RPRD1B: variants seen among roughly 807,000 people sequenced by gnomAD.
RPRD1B encodes the protein regulation of nuclear pre-mRNA domain containing 1B.
RPRD1B carries 11 observed loss-of-function variants against 41.5 expected under a neutral mutation model. The observed-to-expected ratio is 0.27, with a 90% CI of 0.17 to 0.44. The LOEUF is 0.44. Ranked by LOEUF, RPRD1B falls within the 20% of genes least tolerant of loss-of-function variation. The pLI is 1.00. For missense variants in RPRD1B, 248 were observed against 389.9 expected (o/e 0.64, Z 3.06); for synonymous variants, 158 against 155.6 (o/e 1.02, Z -0.12).
At chr20:38,044,465 T>C (rs2074101070) in intron 2 of RPRD1B, among the ~76,000 whole-genome samples, 1 of 147,910 alleles carries the variant, frequency 6.8e-6, no homozygotes, top group South Asian at 2.2e-4. Context: ...GCTCCGCCTC[T>C]CGGGTTCATG....
At chr20:38,044,958 GA>G (rs1172781224) in intron 2 of RPRD1B, among the ~76,000 whole-genome samples, 1 of 152,168 alleles carries the variant, frequency 6.6e-6, no homozygotes, top group African/African-American at 2.4e-5. Context: ...TGGTTGTACT[GA>G]AAAAGTGCCA....
chr20:38,089,687 C>A, intron 6 of RPRD1B, 39 bp from the exon 7 acceptor site: 1 of 1,571,260 alleles, frequency 6.4e-7, no homozygotes, highest in Non-Finnish European at 8.7e-7. Flanking sequence ...CCTCGGCACG[C>A]ACAGACTTAA....
intron 6 of RPRD1B, among the ~76,000 whole-genome samples, chr20:38,079,024 TA>T (rs1457275538): frequency 6.6e-6 from 1 of 152,176 alleles, no homozygotes; most frequent in Non-Finnish European, 1.5e-5. Flanking sequence ...TCAGGAAGAT[TA>T]AGTATTGCTC....
At chr20:38,034,795 C>A (rs531515009) in intron 1 of RPRD1B, among the ~76,000 whole-genome samples, 1 of 152,314 alleles carries the variant, frequency 6.6e-6, no homozygotes, top group Non-Finnish European at 1.5e-5. Flanking sequence ...ACAGACAATT[C>A]ATTGAACTCA....
intron 6 of RPRD1B, among the ~76,000 whole-genome samples, chr20:38,070,058 T>C (rs1363948623): frequency 6.9e-6 from 1 of 144,004 alleles, no homozygotes; most frequent in African/African-American, 2.7e-5. Context: ...AAATCTGATT[T>C]AATGATTGGT....
At chr20:38,038,333 GTC>G (rs1277560491) in intron 1 of RPRD1B, among the ~76,000 whole-genome samples, 1 of 146,972 alleles carries the variant, frequency 6.8e-6, no homozygotes, top group East Asian at 2.0e-4. Flanking sequence ...TTGAGACGGA[GTC>G]TCTTACTCTG....
intron 2 of RPRD1B, 142 bp downstream of exon 2, chr20:38,040,706 T>G (rs2074057284): frequency 1.2e-6 from 1 of 811,854 alleles, no homozygotes; most frequent in Non-Finnish European, 1.9e-6. Flanking sequence ...TGGTTTTATG[T>G]TTTGTTGAGC....
At chr20:38,062,838 CTTTT>C (rs1555801162) in intron 5 of RPRD1B, among the ~76,000 whole-genome samples, 2 of 84,282 alleles carry the variant, frequency 2.4e-5, no homozygotes, top group African/African-American at 1.2e-4. Flanking sequence ...GCCCCCCCCC[CTTTT>C]TTTTTTTTTT....
chr20:38,065,433 C>T (rs1456957721), intron 5 of RPRD1B, among the ~76,000 whole-genome samples: 1 of 152,152 alleles, frequency 6.6e-6, no homozygotes, highest in Non-Finnish European at 1.5e-5. Context: ...CCAAGACCTT[C>T]TGAGGATACC....
At chr20:38,051,183 G>A (rs908650639) in intron 3 of RPRD1B, among the ~76,000 whole-genome samples, 22 of 152,204 alleles carry the variant, frequency 1.4e-4, no homozygotes, top group Non-Finnish European at 4.4e-5. Flanking sequence ...TTCTAAAGGT[G>A]TCTCTCAAAA....
In RPRD1B at chr20:38,066,223, A is replaced by G. The variant is rs371556119; in HGVS notation, c.798A>G (p.Lys266=). The G allele has an allele frequency of 1.1e-5, 17 of 1,614,232 alleles. No homozygotes were observed. Among genetic ancestry groups the G allele is most frequent in the East Asian group, 2.2e-5 (1 of 44,890 alleles). The change falls in exon 6 of 7, where the codon AAA becomes AAG. Residue 266 remains lysine, a synonymous_variant. Transcript: ENST00000373433. ...TGGTGGAGTATACCCAGAATCAGAA[A>G]GATGTTTTGTCGGAGAAGGAGAAAA... ...RMLVEYTQNQ[K]DVLSEKEKKL...
rs977545606 is a variant in RPRD1B at position 38,090,313 on chromosome 20, T to C, written c.*438T>C. On this transcript the variant is annotated 3_prime_UTR_variant, in exon 7 of 7. Transcript: ENST00000373433. ...TCGGTGTGGGCTTCCACTAAGGCAC[T>C]TGTCCTGGAGACGTTGGCTTTCCCA... 8 of 987,698 alleles carry C rather than the reference T, an allele frequency of 8.1e-6. No homozygotes were observed. The South Asian group carries it at 2.3e-4, about 29-fold the overall frequency. 61.2% of individuals were successfully genotyped at this position (987,698 alleles called of 1,614,324 possible).
chr20:38,050,726 A>AT (rs1046143268), intron 3 of RPRD1B, among the ~76,000 whole-genome samples: 3 of 151,612 alleles, frequency 2.0e-5, no homozygotes, highest in South Asian at 2.1e-4. Context: ...TGGGTTTCTG[A>AT]TTTTTTTTTG....
At chr20:38,056,792 GA>G (rs2074246807) in intron 3 of RPRD1B, among the ~76,000 whole-genome samples, 1 of 152,108 alleles carries the variant, frequency 6.6e-6, no homozygotes, top group African/African-American at 2.4e-5. Flanking sequence ...CTTTACTTTC[GA>G]AACTAGAATT....
At chr20:38,052,383 TG>T (rs1026244883) in intron 3 of RPRD1B, among the ~76,000 whole-genome samples, 2 of 152,214 alleles carry the variant, frequency 1.3e-5, no homozygotes, top group African/African-American at 4.8e-5. Context: ...ACAACTTCCC[TG>T]GGTTTATGCC....
At chr20:38,057,182 CA>C (rs201131214) in intron 3 of RPRD1B, among the ~76,000 whole-genome samples, 5,666 of 152,244 alleles carry the variant, frequency 0.037, 138 homozygotes, top group Non-Finnish European at 0.056. Flanking sequence ...ATTTTATACA[CA>C]ATATCTTCTC....
intron 1 of RPRD1B, among the ~76,000 whole-genome samples, chr20:38,037,832 T>TGAC (rs1227753486): frequency 6.6e-6 from 1 of 152,150 alleles, no homozygotes; most frequent in East Asian, 1.9e-4. Flanking sequence ...ATGTCCACAC[T>TGAC]GACATTTTAC....
chr20:38,040,381 T>TGAATTGA lies in RPRD1B; in HGVS notation c.152-48_152-42dup. On this transcript the variant is annotated intron_variant, in intron 1 of 6. Coordinates refer to ENST00000373433, the MANE Select transcript of RPRD1B (RefSeq NM_021215.4). ...GGAGCAGCCCAGGGCAAAAGAATTG[T>TGAATTGA]GAATTGAGAATTTCTTTGGTGTAAG... 2.0e-6 allele frequency: 3 copies of TGAATTGA among 1,465,690 alleles called. No individual in the cohort carries two copies. In the South Asian group the frequency reaches 4.0e-5, roughly 19 times the overall value. 90.8% of individuals were successfully genotyped at this position (1,465,690 alleles called of 1,614,324 possible).
chr20:38,042,104 G>A (rs1345216171), intron 2 of RPRD1B, among the ~76,000 whole-genome samples: 2 of 152,168 alleles, frequency 1.3e-5, no homozygotes, highest in Non-Finnish European at 2.9e-5. Context: ...GAGTTGGCTG[G>A]AATGATTTCT....
Sources: allele counts gnomAD v4.1 joint callset (sites outside exome capture counted in the v4.1 genomes callset), GRCh38; gene constraint gnomAD v4.1.1; transcripts MANE v1.5; gene names NCBI Gene and HGNC (gene_info 2026-07-23, HGNC 2026-07-21).